CRISP1: variants seen among roughly 807,000 people sequenced by gnomAD.
CRISP1 encodes the protein cysteine-rich secretory protein 1.
Under a neutral mutation model 33.1 loss-of-function variants are expected in CRISP1, and 44 were observed. The ratio of observed to expected loss-of-function variants is 1.33; its 90% CI spans 1.05 to 1.71. The LOEUF (loss-of-function observed/expected upper bound fraction) is 1.71. Ranked by LOEUF, CRISP1 falls within the 40% of genes most tolerant of loss-of-function variation. CRISP1 has a pLI of 0.00. For synonymous variants in CRISP1, 103 were observed against 98.7 expected, an observed-to-expected ratio of 1.04 and a Z score of -0.26; for missense variants, 390 against 301.2, an observed-to-expected ratio of 1.29 and a Z score of -2.18.
rs3056388 is a variant in CRISP1 at position 49,852,846 on chromosome 6, TTGTGTGTGTGTGTG to T, written c.67-731_67-718del. On this transcript the variant is annotated intron_variant, in intron 2 of 7. Coordinates refer to ENST00000335847, the MANE Select transcript of CRISP1 (RefSeq NM_001131.3). ...GCATTAATCGCTATAAAGAGAATCT[TTGTGTGTGTGTGTG>T]TGTGTGTGTGTGTGTGTGTGTGTGT... Among the ~76,000 whole-genome samples the T allele has an allele frequency of 1.9e-4, 28 of 145,556 alleles. No homozygotes were observed. The East Asian group carries it at 2.9e-3, about 15-fold the overall frequency.
chr6:49,864,471 G>A (rs1041347948), intron 1 of CRISP1, among the ~76,000 whole-genome samples: 1 of 150,258 alleles, frequency 6.7e-6, no homozygotes, highest in Admixed American at 6.7e-5. Flanking sequence ...GGGCTGTATG[G>A]TATACACATG....
intron 3 of CRISP1, among the ~76,000 whole-genome samples, 186 bp downstream of exon 3, chr6:49,851,815 A>G (rs1771350765): frequency 6.6e-6 from 1 of 152,196 alleles, no homozygotes; most frequent in Non-Finnish European, 1.5e-5. Context: ...GAGCTCTGTC[A>G]TTGACTAACC....
At chr6:49,875,302 C>T (rs1007345487) in intron 1 of CRISP1, among the ~76,000 whole-genome samples, 2 of 151,858 alleles carry the variant, frequency 1.3e-5, no homozygotes, top group African/African-American at 2.4e-5. Flanking sequence ...CATGAATGAA[C>T]TCCCATTCAC....
chr6:49,868,605 T>C (rs1771854137), upstream of CRISP1, among the ~76,000 whole-genome samples: 1 of 152,208 alleles, frequency 6.6e-6, no homozygotes, highest in African/African-American at 2.4e-5. Flanking sequence ...TTTAAAATCA[T>C]ATTTGTAAAA....
At chr6:49,870,754 C>A (rs557887175), upstream of CRISP1, among the ~76,000 whole-genome samples, 11 of 152,186 alleles carry the variant, frequency 7.2e-5, no homozygotes, top group South Asian at 2.1e-3. Flanking sequence ...CCAAATTAAT[C>A]CCCAAATTTT....
rs1771239250 is a variant in CRISP1, at chr6:49,848,150, C to T, written c.286+59G>A. ...CTTTCATCAGGGTACATAACAATCC[C>T]TGTTTTACTATTTTTTTTTTTTTTA... is the stretch of plus-strand genomic sequence containing the variant. On this transcript the variant is annotated intron_variant, in intron 4 of 7. Coordinates refer to ENST00000335847, the MANE Select transcript of CRISP1 (RefSeq NM_001131.3). The T allele has an allele frequency of 3.1e-6, 3 of 965,102 alleles. No individual in the cohort carries two copies. The South Asian group carries it at 4.7e-5, about 15-fold the overall frequency. The allele number at this position is 965,102 out of a possible 1,614,324, so 59.8% of individuals were successfully genotyped here. A position where few individuals can be genotyped will look rare whatever the true frequency, so the allele number is the denominator to read the frequency against.
rs114085496 is a variant in CRISP1 at position 49,844,088 on chromosome 6, C to T, written c.435+2432G>A. Among the ~76,000 whole-genome samples, 1,425 of 152,152 alleles carry T rather than the reference C, an allele frequency of 9.4e-3. 24 individuals are homozygous for T. The highest frequency in any genetic ancestry group is 0.03 in the African/African-American group (1,231 of 41,504). On this transcript the variant is annotated intron_variant, in intron 5 of 7. Coordinates refer to ENST00000335847, the MANE Select transcript of CRISP1 (RefSeq NM_001131.3). ...AAGAAATCTTTATGCAAGGAAGAAC[C>T]AGAACTTGAAGATTTACACAATCAT...
intron 1 of CRISP1, among the ~76,000 whole-genome samples, chr6:49,864,572 T>C (rs1444348153): frequency 6.6e-6 from 1 of 152,142 alleles, no homozygotes; most frequent in East Asian, 1.9e-4. Context: ...CTATTATTTG[T>C]ATTCTCAGCT....
At chr6:49,875,757 C>A (rs1772021961) in intron 1 of CRISP1, among the ~76,000 whole-genome samples, 1 of 151,988 alleles carries the variant, frequency 6.6e-6, no homozygotes, top group Non-Finnish European at 1.5e-5. Flanking sequence ...TACCTACAAC[C>A]ATCTGATCTT....
chr6:49,836,619 G>A (rs1012912683), intron 7 of CRISP1, among the ~76,000 whole-genome samples: 8 of 152,014 alleles, frequency 5.3e-5, no homozygotes, highest in African/African-American at 4.8e-5. Context: ...GATTACAAGC[G>A]TGAGCCACCG....
chr6:49,864,283 A>G (rs776054046), intron 1 of CRISP1, among the ~76,000 whole-genome samples: 6 of 152,042 alleles, frequency 3.9e-5, no homozygotes, highest in Non-Finnish European at 8.8e-5. Flanking sequence ...TAATCATTCT[A>G]TTATTTATAA....
chr6:49,861,765 G>A (rs1771660241), intron 1 of CRISP1, among the ~76,000 whole-genome samples: 1 of 151,916 alleles, frequency 6.6e-6, no homozygotes, highest in Non-Finnish European at 1.5e-5. Context: ...CGCACCTATA[G>A]TCCTAGCTAC....
chr6:49,835,150 T>TA lies in CRISP1; in HGVS notation c.*165dup. 2 of 630,442 alleles carry TA rather than the reference T, an allele frequency of 3.2e-6. No homozygotes were observed. The highest frequency in any genetic ancestry group is 6.0e-5 in the Admixed American group (2 of 33,380). The allele number at this position is 630,442 out of a possible 1,614,324, so 39.1% of individuals were successfully genotyped here. A position where few individuals can be genotyped will look rare whatever the true frequency, so the allele number is the denominator to read the frequency against. ...CTTTTACTCCAGCACTAAGAAAGTT[T>TA]AAAACAGTGTTACTTCAGGATGTAT... is the stretch of plus-strand genomic sequence containing the variant. On this transcript the variant is annotated 3_prime_UTR_variant, in exon 8 of 8. Transcript: ENST00000335847.
At chr6:49,848,327 T>G (rs1335987472) in intron 3 of CRISP1, 28 bp from the exon 4 acceptor site, 12 of 1,313,064 alleles carry the variant, frequency 9.1e-6, no homozygotes, top group Non-Finnish European at 1.2e-5. Flanking sequence ...AAAAAGCACA[T>G]GTTCCAATTA....
intron 1 of CRISP1, among the ~76,000 whole-genome samples, chr6:49,874,792 TA>T (rs1772001024): frequency 6.6e-6 from 1 of 151,962 alleles, no homozygotes; most frequent in Non-Finnish European, 1.5e-5. Flanking sequence ...TAAGCAGAAT[TA>T]AAGACAAAAA....
chr6:49,837,037 T>G (rs929925513), intron 7 of CRISP1, among the ~76,000 whole-genome samples: 1 of 152,112 alleles, frequency 6.6e-6, no homozygotes, highest in African/African-American at 2.4e-5. Context: ...AGTGTTGTAA[T>G]CCGTTGTTTT....
At chr6:49,841,087 T>C in intron 5 of CRISP1, 92 bp from the exon 6 acceptor site, 1 of 1,192,342 alleles carries the variant, frequency 8.4e-7, no homozygotes, top group South Asian at 1.3e-5. Context: ...AAAGTAAACA[T>C]GTTGCTTTTA....
intron 5 of CRISP1, among the ~76,000 whole-genome samples, chr6:49,842,190 G>A (rs915453907): frequency 1.3e-5 from 2 of 152,028 alleles, no homozygotes; most frequent in African/African-American, 2.4e-5. Context: ...TGCTCTATCT[G>A]GGCATAAAAA....
chr6:49,865,057 G>A (rs184425528), intron 1 of CRISP1, among the ~76,000 whole-genome samples: 11 of 152,160 alleles, frequency 7.2e-5, no homozygotes, highest in African/African-American at 2.2e-4. Flanking sequence ...AAATATTGGA[G>A]AACAAAGCTG....
Sources: gnomAD v4.1 joint callset for allele counts (sites outside exome capture counted in the v4.1 genomes callset) on GRCh38, gnomAD v4.1.1 for gene constraint, MANE v1.5 for transcripts, NCBI Gene and HGNC (gene_info 2026-07-23, HGNC 2026-07-21) for gene names.